Variants in AUTS2 observed in about 807,000 individuals in gnomAD.
AUTS2 encodes the protein activator of transcription and developmental regulator AUTS2.
A neutral mutation model predicts 112.4 loss-of-function variants in AUTS2; 17 were observed. That is an observed-to-expected ratio of 0.15 (90% CI 0.10 to 0.23). The LOEUF is 0.23. AUTS2 is among the 10% of genes least tolerant of loss of function. The pLI is 1.00. For synonymous variants in AUTS2, 751 were observed against 702.7 expected (o/e 1.07, Z -1.09); for missense variants, 1,510 against 1,701.6 (o/e 0.89, Z 1.98).
intron 4 of AUTS2, among the ~76,000 whole-genome samples, chr7:70,269,971 T>G (rs1372050813): frequency 1.3e-5 from 2 of 152,140 alleles, no homozygotes; most frequent in Non-Finnish European, 2.9e-5. Context: ...CATAGGAGTT[T>G]GAGGCTGCAG....
At chr7:70,702,350 G>C (rs2129547902) in intron 6 of AUTS2, among the ~76,000 whole-genome samples, 1 of 152,338 alleles carries the variant, frequency 6.6e-6, no homozygotes, top group Admixed American at 6.5e-5. Flanking sequence ...TCTTGGTTCA[G>C]AGCCCTCCTT....
intron 2 of AUTS2, among the ~76,000 whole-genome samples, chr7:69,914,798 T>C (rs1274591953): frequency 6.6e-6 from 1 of 152,090 alleles, no homozygotes; most frequent in Non-Finnish European, 1.5e-5. Context: ...GAGTACAAAC[T>C]CTTTTTAGTA....
At chr7:69,611,568 A>G (rs923414750) in intron 1 of AUTS2, among the ~76,000 whole-genome samples, 8 of 152,262 alleles carry the variant, frequency 5.3e-5, no homozygotes, top group African/African-American at 1.9e-4. Flanking sequence ...AGTTTTACAT[A>G]TATCTGAAAG....
At position 70,790,514 on chromosome 7, in the gene AUTS2, C is replaced by G. The variant is rs763284520; in HGVS notation, c.3298C>G (p.Pro1100Ala). 8 of 1,611,098 alleles carry G rather than the reference C, an allele frequency of 5.0e-6. No homozygotes were observed. In the Admixed American group the frequency reaches 1.3e-4, roughly 27 times the overall value. The change falls in exon 19 of 19, where the codon CCG (proline) becomes GCG (alanine). Residue 1100 changes from proline (P) to alanine (A), a missense_variant. Pro to Ala is a conservative substitution (Grantham distance 27). Transcript: ENST00000342771. This position sits in a 1 kb window ranked among gnomAD's most constrained non-coding sequence, Gnocchi z 7.6. ...LGRDFLLRND[P>A]LHRLSTPRLY... ...CAGGGACTTCCTGCTAAGGAACGAC[C>G]CGCTCCACCGGCTCTCGACTCCCCG... is the stretch of plus-strand genomic sequence containing the variant.
At chr7:69,692,139 A>T (rs1225644151) in intron 1 of AUTS2, among the ~76,000 whole-genome samples, 3 of 152,106 alleles carry the variant, frequency 2.0e-5, no homozygotes. Context: ...CACTAAGGAG[A>T]ACACCTGTGA....
intron 5 of AUTS2, among the ~76,000 whole-genome samples, chr7:70,533,792 G>C (rs1378659198): frequency 6.6e-6 from 1 of 152,234 alleles, no homozygotes; most frequent in Non-Finnish European, 1.5e-5. Flanking sequence ...GCAACCAGCA[G>C]GGAGCTGGCA....
At chr7:69,703,088 A>G (rs545184544) in intron 1 of AUTS2, among the ~76,000 whole-genome samples, 11 of 152,148 alleles carry the variant, frequency 7.2e-5, no homozygotes, top group Non-Finnish European at 1.2e-4. Flanking sequence ...GTATAAAAAC[A>G]GTGTTAAAGG....
intron 1 of AUTS2, among the ~76,000 whole-genome samples, chr7:69,797,999 C>T (rs1789921398): frequency 6.6e-6 from 1 of 151,994 alleles, no homozygotes; most frequent in East Asian, 1.9e-4. Context: ...ACTTCTTGGT[C>T]AGAACAAGTC....
intron 5 of AUTS2, among the ~76,000 whole-genome samples, chr7:70,643,053 C>T (rs2129540557): frequency 6.6e-6 from 1 of 152,370 alleles, no homozygotes; most frequent in South Asian, 2.1e-4. Context: ...ATATTCCCGT[C>T]TCCTCATCTT....
At chr7:70,473,596 G>A (rs1036082814) in intron 5 of AUTS2, among the ~76,000 whole-genome samples, 9 of 152,134 alleles carry the variant, frequency 5.9e-5, no homozygotes, top group African/African-American at 2.2e-4. Context: ...GGGGCAACTT[G>A]GTTCCTAAAT....
intron 4 of AUTS2, among the ~76,000 whole-genome samples, chr7:70,377,336 AT>A (rs1290704962): frequency 3.9e-5 from 2 of 50,680 alleles, no homozygotes; most frequent in Admixed American, 3.9e-4. Context: ...ATATATATAT[AT>A]ATATATATAT....
At chr7:69,921,890 A>AC (rs1233555312) in intron 2 of AUTS2, among the ~76,000 whole-genome samples, 1 of 150,838 alleles carries the variant, frequency 6.6e-6, no homozygotes. Flanking sequence ...TTATGGAGAA[A>AC]CCCCGTCTCT....
intron 1 of AUTS2, among the ~76,000 whole-genome samples, chr7:69,601,427 G>C (rs1310209152): frequency 6.6e-6 from 1 of 152,146 alleles, no homozygotes; most frequent in Non-Finnish European, 1.5e-5. Flanking sequence ...TTGGGTGTCA[G>C]CTTTAAATAT....
chr7:70,170,053 G>A (rs1808587230), intron 4 of AUTS2, among the ~76,000 whole-genome samples: 1 of 151,384 alleles, frequency 6.6e-6, no homozygotes, highest in South Asian at 2.1e-4. Context: ...ATCAGGAGAG[G>A]GGAGGGAATT....
At chr7:70,016,995 G>A (rs1376024500) in intron 2 of AUTS2, among the ~76,000 whole-genome samples, 2 of 152,106 alleles carry the variant, frequency 1.3e-5, no homozygotes, top group African/African-American at 4.8e-5. Flanking sequence ...AATGATTGTA[G>A]GGATAGAGAA....
intron 5 of AUTS2, among the ~76,000 whole-genome samples, chr7:70,506,533 A>C (rs954414845): frequency 2.6e-5 from 4 of 152,328 alleles, no homozygotes; most frequent in African/African-American, 7.2e-5. Flanking sequence ...ACTGTGTTGC[A>C]TCCCACTCTC....
intron 1 of AUTS2, among the ~76,000 whole-genome samples, chr7:69,816,125 T>G (rs10259748): frequency 0.35 from 53,763 of 152,056 alleles, 9,985 homozygotes; most frequent in African/African-American, 0.46. Context: ...GTTTGTGTAT[T>G]CAGGGCCTGA....
chr7:69,957,185 T>C (rs1386697777), intron 2 of AUTS2, among the ~76,000 whole-genome samples: 1 of 151,578 alleles, frequency 6.6e-6, no homozygotes, highest in African/African-American at 2.4e-5. Flanking sequence ...AGAGAGCAAG[T>C]GATTTTTAAG....
At chr7:70,760,686 A>T (rs549286204) in intron 6 of AUTS2, among the ~76,000 whole-genome samples, 1 of 152,352 alleles carries the variant, frequency 6.6e-6, no homozygotes, top group South Asian at 2.1e-4. Flanking sequence ...TGCTAGCTGG[A>T]TGGGGACCTA....
Sources: allele counts gnomAD v4.1 joint callset (sites outside exome capture counted in the v4.1 genomes callset), GRCh38; gene constraint gnomAD v4.1.1; non-coding constraint Gnocchi (gnomAD v3.1); transcripts MANE v1.5; gene names NCBI Gene and HGNC (gene_info 2026-07-23, HGNC 2026-07-21).